GABRA5: variants seen among roughly 807,000 people sequenced by gnomAD.
GABRA5 encodes gamma-aminobutyric acid type A receptor subunit alpha5.
In GABRA5, 18 loss-of-function variants were observed where a neutral mutation model predicts 47.3. The ratio of observed to expected loss-of-function variants is 0.38; its 90% CI spans 0.26 to 0.56. The LOEUF is 0.56. Among genes scored for constraint, GABRA5 ranks in the 20% least tolerant of loss-of-function variants. The pLI is 0.71. For synonymous variants in GABRA5, 237 were observed against 229.3 expected (o/e 1.03, Z -0.30); for missense variants, 365 against 599.3 (o/e 0.61, Z 4.08).
chr15:26,899,004 AG>A (rs1395110133), intron 6 of GABRA5, among the ~76,000 whole-genome samples: 7 of 152,100 alleles, frequency 4.6e-5, no homozygotes, highest in Non-Finnish European at 2.9e-5. Context: ...CCAAGTAGTT[AG>A]GCACATGACA....
At chr15:26,941,016 G>A (rs757580324) in intron 9 of GABRA5, among the ~76,000 whole-genome samples, 2 of 152,192 alleles carry the variant, frequency 1.3e-5, no homozygotes, top group Non-Finnish European at 2.9e-5. Flanking sequence ...AAATATTAGC[G>A]TGCATTTTAT....
chr15:26,914,781 G>A, intron 6 of GABRA5, 22 bp from the exon 7 acceptor site: 1 of 1,597,924 alleles, frequency 6.3e-7, no homozygotes. Flanking sequence ...TCGTTCAAAG[G>A]TCTTCATCTT....
At chr15:26,940,958 G>A (rs1302889040) in intron 9 of GABRA5, among the ~76,000 whole-genome samples, 2 of 152,224 alleles carry the variant, frequency 1.3e-5, no homozygotes, top group Non-Finnish European at 2.9e-5. Flanking sequence ...TGTAAAGTAC[G>A]ATTCACACAT....
rs946571232 is a variant in GABRA5 at position 26,867,462 on chromosome 15, G to C, written c.-140+351G>C. On this transcript the variant is annotated intron_variant, in intron 1 of 10. Coordinates refer to ENST00000335625, the MANE Select transcript of GABRA5 (RefSeq NM_000810.4). This position sits in a 1 kb window ranked among gnomAD's most constrained non-coding sequence, Gnocchi z 5.9. The stretch of plus-strand genomic sequence containing the variant: ...GGAAGAGGACCGGCCGCCCCGGCTC[G>C]GTCCGCACCCTTCTCCTCGGGGCGC... 2 of 152,124 alleles carry C rather than the reference G, an allele frequency of 1.3e-5. No individual in the cohort carries two copies. The highest frequency in any genetic ancestry group is 2.9e-5 in the Non-Finnish European group (2 of 68,172). The allele number at this position is 152,124 out of a possible 1,614,324, so 9.4% of individuals were successfully genotyped here.
intron 6 of GABRA5, among the ~76,000 whole-genome samples, chr15:26,887,089 A>G (rs1200911355): frequency 6.6e-6 from 1 of 152,196 alleles, no homozygotes; most frequent in Non-Finnish European, 1.5e-5. Flanking sequence ...CCAATGGTAT[A>G]CTTTGATCCA....
chr15:26,900,513 T>A (rs1171648512), intron 6 of GABRA5, among the ~76,000 whole-genome samples: 2 of 152,162 alleles, frequency 1.3e-5, no homozygotes, highest in Non-Finnish European at 2.9e-5. Flanking sequence ...ACGAACTCCC[T>A]CAGTTTTTAA....
intron 7 of GABRA5, among the ~76,000 whole-genome samples, chr15:26,922,158 G>T (rs1893858476): frequency 6.6e-6 from 1 of 152,042 alleles, no homozygotes. Context: ...CTGTCTCATT[G>T]TTGTGGATCA....
chr15:26,893,955 C>G (rs540464808), intron 6 of GABRA5, among the ~76,000 whole-genome samples: 50 of 152,172 alleles, frequency 3.3e-4, no homozygotes, highest in Middle Eastern at 3.4e-3. Context: ...GGGACAGATT[C>G]CAAGGACCCT....
rs1416677189 is a variant in GABRA5 at position 26,943,381 on chromosome 15, C to T, written c.1044C>T (p.Gly348=). 1.3e-6 allele frequency: 2 copies of T among 1,599,380 alleles called. No homozygotes were observed. The highest frequency in any genetic ancestry group is 2.7e-5 in the African/African-American group (2 of 74,640). ...FATVNYFTKR[G]WAWDGKKALE... is the part of the protein sequence containing the mutation. ...CGGTCAATTACTTTACCAAGAGAGG[C>T]TGGGCCTGGGATGGCAAAAAAGCCT... The change falls in exon 10 of 11, where the codon GGC becomes GGT. Residue 348 remains glycine, a synonymous_variant. Coordinates refer to ENST00000335625, the MANE Select transcript of GABRA5 (RefSeq NM_000810.4).
intron 6 of GABRA5, among the ~76,000 whole-genome samples, chr15:26,896,855 C>T (rs1460347418): frequency 4.6e-5 from 7 of 152,004 alleles, no homozygotes; most frequent in Admixed American, 3.9e-4. Context: ...TGCTCCATTT[C>T]CTCGGGTGAT....
intron 8 of GABRA5, among the ~76,000 whole-genome samples, chr15:26,938,506 T>A (rs956991645): frequency 2.6e-5 from 4 of 152,240 alleles, no homozygotes; most frequent in African/African-American, 9.6e-5. Flanking sequence ...AACTCAAAAA[T>A]AAAACAAAAT....
intron 6 of GABRA5, among the ~76,000 whole-genome samples, chr15:26,895,252 A>T (rs1012167390): frequency 8.6e-5 from 13 of 151,344 alleles, no homozygotes; most frequent in Admixed American, 5.3e-4. Flanking sequence ...TTGTTACCAG[A>T]TTCTCTCTCC....
Position 26,912,538 on chromosome 15 carries a change from G to A in GABRA5, c.498-2265G>A, listed in dbSNP as rs182375171. ...ATAACAGCCCTTTTTCATAATTTAT[G>A]ATTGAAGAGGTCAATTGCAGGTTAT... On this transcript the variant is annotated intron_variant, in intron 6 of 10. Coordinates refer to ENST00000335625, the MANE Select transcript of GABRA5 (RefSeq NM_000810.4). Among the ~76,000 whole-genome samples, 232 of 152,140 alleles carry A rather than the reference G, an allele frequency of 1.5e-3. 1 individual carries two copies. Among genetic ancestry groups the A allele is most frequent in the African/African-American group, 5.4e-3 (223 of 41,486 alleles).
chr15:26,933,519 G>A (rs1367004197), intron 7 of GABRA5, among the ~76,000 whole-genome samples: 4 of 152,174 alleles, frequency 2.6e-5, no homozygotes, highest in African/African-American at 9.7e-5. Context: ...TTTTCTGCTG[G>A]GAGAGTGACA....
chr15:26,895,281 T>C (rs979722777), intron 6 of GABRA5, among the ~76,000 whole-genome samples: 1 of 152,026 alleles, frequency 6.6e-6, no homozygotes, highest in African/African-American at 2.4e-5. Flanking sequence ...TTATTCCTTC[T>C]GAATATGGAT....
chr15:26,917,388 A>G (rs1893742248), intron 7 of GABRA5, among the ~76,000 whole-genome samples: 1 of 151,986 alleles, frequency 6.6e-6, no homozygotes, highest in Non-Finnish European at 1.5e-5. Context: ...ATTGATTTTC[A>G]TGTGTTGGAC....
At chr15:26,888,374 C>T (rs970989789) in intron 6 of GABRA5, among the ~76,000 whole-genome samples, 1 of 152,168 alleles carries the variant, frequency 6.6e-6, no homozygotes, top group Non-Finnish European at 1.5e-5. Flanking sequence ...AGAACCATGC[C>T]CAGAATTAGG....
At chr15:26,936,827 G>A (rs931536071) in intron 7 of GABRA5, among the ~76,000 whole-genome samples, 3 of 152,284 alleles carry the variant, frequency 2.0e-5, no homozygotes, top group African/African-American at 7.2e-5. Context: ...TATGATGAAG[G>A]GACTGAGGCA....
At chr15:26,895,673 C>T (rs1365140207) in intron 6 of GABRA5, among the ~76,000 whole-genome samples, 1 of 151,758 alleles carries the variant, frequency 6.6e-6, no homozygotes, top group African/African-American at 2.4e-5. Flanking sequence ...AGTAGCCGGG[C>T]ATGGTGGCAC....
Sources: allele counts gnomAD v4.1 joint callset (sites outside exome capture counted in the v4.1 genomes callset), GRCh38; gene constraint gnomAD v4.1.1; non-coding constraint Gnocchi (gnomAD v3.1); transcripts MANE v1.5; gene names NCBI Gene and HGNC (gene_info 2026-07-23, HGNC 2026-07-21).